ZNF292: variants seen among roughly 807,000 people sequenced by gnomAD.
ZNF292 encodes the protein 16 zinc-finger domain protein.
ZNF292 carries 26 observed loss-of-function variants against 217.9 expected under a neutral mutation model. That is an observed-to-expected ratio of 0.12 (90% CI 0.09 to 0.17). The LOEUF is 0.17. Ranked by LOEUF, ZNF292 falls within the 10% of genes least tolerant of loss-of-function variation. The pLI, the probability that ZNF292 is intolerant of heterozygous loss-of-function variation, is 1.00. For missense variants in ZNF292, 2,904 were observed against 3,175.2 expected, an observed-to-expected ratio of 0.91 and a Z score of 2.05; for synonymous variants, 1,257 against 1,124.1, an observed-to-expected ratio of 1.12 and a Z score of -2.37.
At position 87,256,885 on chromosome 6, in the gene ZNF292, A is replaced by G. The variant is rs746306014; in HGVS notation, c.3256A>G (p.Thr1086Ala). The G allele has an allele frequency of 8.1e-6, 13 of 1,613,798 alleles. No homozygotes were observed. The South Asian group carries it at 1.3e-4, about 16-fold the overall frequency. ...PQSDLSNSLG[T>A]PSVPPKAPVQ... is the part of the protein sequence containing the mutation. Reference sequence around the variant, plus strand: ...GTCCGACCTAAGTAATTCATTAGGAACTCCATCAGTGCCTCCAAAAGCTCC... The same window carrying G: ...GTCCGACCTAAGTAATTCATTAGGAGCTCCATCAGTGCCTCCAAAAGCTCC... The change falls in exon 8 of 8, where the codon ACT (threonine) becomes GCT (alanine). Residue 1086 changes from threonine (T) to alanine (A), a missense_variant. Thr to Ala is a moderately conservative substitution (Grantham distance 58). Transcript: ENST00000369577.
At chr6:87,165,319 A>C (rs1361031616) in intron 1 of ZNF292, among the ~76,000 whole-genome samples, 4 of 152,232 alleles carry the variant, frequency 2.6e-5, no homozygotes, top group Non-Finnish European at 5.9e-5. Flanking sequence ...GTAAGTCTGT[A>C]GATCTCAGTT....
chr6:87,233,245 A>C, intron 4 of ZNF292, 80 bp from the exon 5 acceptor site: 1 of 1,059,692 alleles, frequency 9.4e-7, no homozygotes. Context: ...CCCGTGTTTA[A>C]AAATATTTCT....
At chr6:87,192,795 G>A (rs1383407510) in intron 1 of ZNF292, among the ~76,000 whole-genome samples, 3 of 152,030 alleles carry the variant, frequency 2.0e-5, no homozygotes, top group South Asian at 2.1e-4. Context: ...ACTGATGAAC[G>A]TTTACTTTTT....
chr6:87,225,897 T>G (rs556618773), intron 4 of ZNF292, among the ~76,000 whole-genome samples: 1 of 152,324 alleles, frequency 6.6e-6, no homozygotes, highest in African/African-American at 2.4e-5. Flanking sequence ...CTCACCATGC[T>G]CAGTTTTATT....
rs139364725 is a variant in ZNF292, at chr6:87,254,523, G to A, written c.1021-127G>A. The A allele has an allele frequency of 5.7e-6, 5 of 869,840 alleles. No individual in the cohort carries two copies. In the Admixed American group the frequency reaches 1.3e-4, roughly 22 times the overall value. 53.9% of individuals were successfully genotyped at this position (869,840 alleles called of 1,614,324 possible). On this transcript the variant is annotated intron_variant, in intron 7 of 7. Transcript: ENST00000369577. ...GACTAAGCTGCAGTGCTTTAGAAGGGGAATCCTTTCATAAGTTGCTATTGC... is the reference window on the plus strand; with the variant it reads ...GACTAAGCTGCAGTGCTTTAGAAGGAGAATCCTTTCATAAGTTGCTATTGC...
chr6:87,178,609 G>A (rs530899467), intron 1 of ZNF292, among the ~76,000 whole-genome samples: 1 of 152,252 alleles, frequency 6.6e-6, no homozygotes, highest in African/African-American at 2.4e-5. Flanking sequence ...AAGAGAGAGG[G>A]AAATTATTTA....
intron 1 of ZNF292, among the ~76,000 whole-genome samples, chr6:87,211,907 A>G (rs1469933346): frequency 6.6e-6 from 1 of 152,188 alleles, no homozygotes; most frequent in African/African-American, 2.4e-5. Flanking sequence ...ATGTGTATAA[A>G]TATAAATATA....
intron 1 of ZNF292, among the ~76,000 whole-genome samples, chr6:87,157,867 T>A (rs1318256794): frequency 6.6e-6 from 1 of 152,112 alleles, no homozygotes. Flanking sequence ...TTTTGTGTTT[T>A]TAGTAGAGAT....
chr6:87,233,573 A>G lies in ZNF292; in HGVS notation c.741+46A>G, dbSNP rs1398781123. ...TAGTAATTATTTTTTAAGTTGAGAAATTAATTTTTAATTAGAATGTCTTTG... is the reference window on the plus strand; with the variant it reads ...TAGTAATTATTTTTTAAGTTGAGAAGTTAATTTTTAATTAGAATGTCTTTG... On this transcript the variant is annotated intron_variant, in intron 5 of 7. Transcript: ENST00000369577. 1.9e-6 allele frequency: 3 copies of G among 1,572,054 alleles called. No homozygotes were observed. In the Admixed American group the frequency reaches 5.6e-5, roughly 29 times the overall value.
chr6:87,223,700 C>G lies in ZNF292; in HGVS notation c.538+4969C>G, dbSNP rs759484781. On this transcript the variant is annotated intron_variant, in intron 4 of 7. Coordinates refer to ENST00000369577, the MANE Select transcript of ZNF292 (RefSeq NM_015021.3). ...AATCTGATACTACTTTATTTTGTTG[C>G]TCAGTTTCTTCCAGTGTTGGCAGCT... 11 of 152,066 alleles carry G rather than the reference C, an allele frequency of 7.2e-5. 1 individual carries two copies. The highest frequency in any genetic ancestry group is 1.2e-4 in the Non-Finnish European group (8 of 68,018). The allele number at this position is 152,066 out of a possible 1,614,324, so 9.4% of individuals were successfully genotyped here. A position where few individuals can be genotyped will look rare whatever the true frequency, so the allele number is the denominator to read the frequency against.
chr6:87,261,953 T>A lies in ZNF292; in HGVS notation c.*152T>A. The A allele has an allele frequency of 5.2e-6, 3 of 577,994 alleles. No homozygotes were observed. Among genetic ancestry groups the A allele is most frequent in the Non-Finnish European group, 8.2e-6 (3 of 367,884 alleles). 35.8% of individuals were successfully genotyped at this position (577,994 alleles called of 1,614,324 possible). A position where few individuals can be genotyped will look rare whatever the true frequency, so the allele number is the denominator to read the frequency against. On this transcript the variant is annotated 3_prime_UTR_variant, in exon 8 of 8. Coordinates refer to ENST00000369577, the MANE Select transcript of ZNF292 (RefSeq NM_015021.3). ...AAAAAAGAAAAAAAAAACATGACATTTGTCATGTAAAACTTTTTTTTATCC... is the reference window on the plus strand; with the variant it reads ...AAAAAAGAAAAAAAAAACATGACATATGTCATGTAAAACTTTTTTTTATCC...
intron 1 of ZNF292, 103 bp downstream of exon 1, chr6:87,155,862 A>G: frequency 7.3e-7 from 1 of 1,377,414 alleles, no homozygotes; most frequent in African/African-American, 1.5e-5. Flanking sequence ...CCTTGGCATC[A>G]TCGGCGCCTC....
rs1037301658 is a variant in ZNF292, at chr6:87,174,690, C to T, written c.168+18931C>T. On this transcript the variant is annotated intron_variant, in intron 1 of 7. Coordinates refer to ENST00000369577, the MANE Select transcript of ZNF292 (RefSeq NM_015021.3). Reference sequence around the variant, plus strand: ...TTGATTTAATTTTTAAAGACTTACGCTGCTTATTCTTGTCTTACGTACTAA... The same window carrying T: ...TTGATTTAATTTTTAAAGACTTACGTTGCTTATTCTTGTCTTACGTACTAA... 5.9e-5 allele frequency among the ~76,000 whole-genome samples: 9 copies of T among 152,224 alleles called. No homozygotes were observed. The South Asian group carries it at 1.2e-3, about 21-fold the overall frequency.
At chr6:87,193,639 G>A (rs980068702) in intron 1 of ZNF292, among the ~76,000 whole-genome samples, 2 of 152,050 alleles carry the variant, frequency 1.3e-5, no homozygotes, top group Admixed American at 6.6e-5. Flanking sequence ...TTTTCTGCAC[G>A]TGCATACTCA....
At chr6:87,252,242 C>T (rs1238193257) in intron 7 of ZNF292, among the ~76,000 whole-genome samples, 6 of 151,958 alleles carry the variant, frequency 3.9e-5, no homozygotes, top group Non-Finnish European at 7.4e-5. Context: ...ACCTCTGCCT[C>T]CCGTGTTCAA....
chr6:87,164,244 CT>C (rs752216672), intron 1 of ZNF292, among the ~76,000 whole-genome samples: 3 of 152,162 alleles, frequency 2.0e-5, no homozygotes, highest in Non-Finnish European at 4.4e-5. Flanking sequence ...ACAGGCTGGT[CT>C]AAAGGCTTCA....
chr6:87,161,520 T>C (rs1403306513), intron 1 of ZNF292, among the ~76,000 whole-genome samples: 5 of 152,226 alleles, frequency 3.3e-5, no homozygotes, highest in African/African-American at 1.2e-4. Flanking sequence ...CCAACTGGGC[T>C]TAAGCGATCC....
chr6:87,241,975 G>A (rs4318844), intron 5 of ZNF292, among the ~76,000 whole-genome samples: 106 of 152,270 alleles, frequency 7.0e-4, no homozygotes, highest in African/African-American at 2.5e-3. Flanking sequence ...TTTCAACTTA[G>A]GATGGGCGTG....
intron 1 of ZNF292, among the ~76,000 whole-genome samples, chr6:87,204,389 A>T (rs529157891): frequency 6.6e-6 from 1 of 151,914 alleles, no homozygotes; most frequent in Non-Finnish European, 1.5e-5. Flanking sequence ...GGAAATACAT[A>T]CTCTTTGAAG....
Sources: gnomAD v4.1 joint callset for allele counts (sites outside exome capture counted in the v4.1 genomes callset) on GRCh38, gnomAD v4.1.1 for gene constraint, MANE v1.5 for transcripts, NCBI Gene and HGNC (gene_info 2026-07-23, HGNC 2026-07-21) for gene names.